MACROD2: variants seen among roughly 807,000 people sequenced by gnomAD.
The protein encoded by MACROD2 is ADP-ribose glycohydrolase MACROD2.
MACROD2 carries 36 observed loss-of-function variants against 70.4 expected under a neutral mutation model. The observed-to-expected ratio is 0.51, with a 90% CI of 0.39 to 0.68. The LOEUF (loss-of-function observed/expected upper bound fraction) is 0.68. Ranked by LOEUF, MACROD2 falls within the 30% of genes least tolerant of loss-of-function variation. The pLI, the probability that MACROD2 is intolerant of heterozygous loss-of-function variation, is 0.00. For synonymous variants in MACROD2, 172 were observed against 178.8 expected (o/e 0.96, Z 0.30); for missense variants, 496 against 538.4 (o/e 0.92, Z 0.78).
intron 8 of MACROD2, among the ~76,000 whole-genome samples, chr20:15,843,847 C>T (rs1216774401): frequency 6.6e-6 from 1 of 152,136 alleles, no homozygotes; most frequent in Non-Finnish European, 1.5e-5. Context: ...CCTGACACTC[C>T]TGAATTTTTA....
intron 6 of MACROD2, among the ~76,000 whole-genome samples, chr20:15,246,275 A>ATG (rs139635444): frequency 2.6e-5 from 4 of 152,062 alleles, no homozygotes; most frequent in Admixed American, 2.0e-4. Context: ...GTGTATGTGT[A>ATG]TGTGTGTGTG....
intron 5 of MACROD2, among the ~76,000 whole-genome samples, chr20:14,729,137 T>A (rs1325798679): frequency 1.3e-5 from 2 of 152,164 alleles, no homozygotes; most frequent in African/African-American, 2.4e-5. Context: ...GGCACAAAAG[T>A]GCTTGGTAAA....
At chr20:15,188,219 C>T (rs2076546342) in intron 5 of MACROD2, among the ~76,000 whole-genome samples, 1 of 152,178 alleles carries the variant, frequency 6.6e-6, no homozygotes, top group Non-Finnish European at 1.5e-5. Context: ...GACCACTTGC[C>T]TCAATTCCGT....
In MACROD2 at chr20:16,050,499, A is replaced by G. The variant is rs1479425895; in HGVS notation, c.*623A>G. On this transcript the variant is annotated 3_prime_UTR_variant, in exon 18 of 18. Coordinates refer to ENST00000684519, the MANE Select transcript of MACROD2 (RefSeq NM_001351661.2). ...GGAAGCTGAATTTTTTCCAGAGCAG[A>G]GTGCAGAGGCATAACAGAAGGGTGG... 1 of 152,258 alleles carries G rather than the reference A, an allele frequency of 6.6e-6. No homozygotes were observed. The highest frequency in any genetic ancestry group is 1.5e-5 in the Non-Finnish European group (1 of 68,076). 9.4% of individuals were successfully genotyped at this position (152,258 alleles called of 1,614,324 possible).
intron 10 of MACROD2, among the ~76,000 whole-genome samples, chr20:15,922,929 A>T (rs1439379670): frequency 6.6e-6 from 1 of 151,806 alleles, no homozygotes; most frequent in Admixed American, 6.6e-5. Context: ...GTGAAATTTT[A>T]GTGAAAAGGT....
At chr20:14,798,395 G>A (rs921858358) in intron 5 of MACROD2, among the ~76,000 whole-genome samples, 8 of 152,028 alleles carry the variant, frequency 5.3e-5, no homozygotes, top group African/African-American at 1.7e-4. Flanking sequence ...TTGCAGCACA[G>A]GTCTGGTTTG....
chr20:14,201,498 G>T (rs2081479200), intron 3 of MACROD2, among the ~76,000 whole-genome samples: 1 of 152,130 alleles, frequency 6.6e-6, no homozygotes, highest in Non-Finnish European at 1.5e-5. Context: ...GAGGTTCTAT[G>T]TGCCTCACTG....
chr20:15,548,552 C>T (rs1251132409), intron 8 of MACROD2, among the ~76,000 whole-genome samples: 7 of 152,100 alleles, frequency 4.6e-5, no homozygotes, highest in Non-Finnish European at 7.4e-5. Context: ...CCTGCCACCA[C>T]GCCTGGCTAA....
chr20:15,940,697 G>A (rs548016580), intron 12 of MACROD2, among the ~76,000 whole-genome samples: 1 of 152,286 alleles, frequency 6.6e-6, no homozygotes, highest in East Asian at 1.9e-4. Flanking sequence ...TTTTCAGTTA[G>A]AGTACATTAA....
Position 14,190,142 on chromosome 20 carries a change from G to A in MACROD2, c.271+104414G>A, listed in dbSNP as rs2081372968. On this transcript the variant is annotated intron_variant, in intron 3 of 17. Coordinates refer to ENST00000684519, the MANE Select transcript of MACROD2 (RefSeq NM_001351661.2). ...AGACTCTGGCACTCATGAACTCTGT[G>A]GACCTGGATATGCCACTTTACTTCT... 2.0e-5 allele frequency among the ~76,000 whole-genome samples: 3 copies of A among 152,250 alleles called. No homozygotes were observed. In the South Asian group the frequency reaches 6.2e-4, roughly 32 times the overall value.
intron 4 of MACROD2, among the ~76,000 whole-genome samples, chr20:14,552,496 A>G (rs1427281542): frequency 6.6e-6 from 1 of 151,804 alleles, no homozygotes; most frequent in Non-Finnish European, 1.5e-5. Flanking sequence ...GGGCTTCAGC[A>G]TCAGTAGAGA....
intron 8 of MACROD2, among the ~76,000 whole-genome samples, chr20:15,732,788 A>G (rs928574606): frequency 6.7e-6 from 1 of 149,812 alleles, no homozygotes; most frequent in Non-Finnish European, 1.5e-5. Flanking sequence ...GTTTGATATT[A>G]GGATAATTCC....
Position 14,190,794 on chromosome 20 carries a change from G to T in MACROD2, c.271+105066G>T, listed in dbSNP as rs540278518. On this transcript the variant is annotated intron_variant, in intron 3 of 17. Transcript: ENST00000684519. ...GCGATCTCGGCTCACTGCAAGCTCC[G>T]CCTCCCAGGTTCATGCCATTCTCCT... Among the ~76,000 whole-genome samples the T allele has an allele frequency of 2.9e-4, 38 of 130,140 alleles. 1 individual carries two copies. The South Asian group carries it at 0.01, about 35-fold the overall frequency. The allele number at this position is 130,140 out of a possible 152,430, so 85.4% of individuals were successfully genotyped here. A position where few individuals can be genotyped will look rare whatever the true frequency, so the allele number is the denominator to read the frequency against.
At chr20:14,096,393 G>A (rs1291071212) in intron 3 of MACROD2, among the ~76,000 whole-genome samples, 2 of 130,336 alleles carry the variant, frequency 1.5e-5, no homozygotes, top group African/African-American at 3.0e-5. Context: ...TTGAGACAGA[G>A]TCTTGCTCTG....
intron 10 of MACROD2, among the ~76,000 whole-genome samples, chr20:15,904,960 CAAGCTAATGGA>C (rs1431760596): frequency 6.6e-6 from 1 of 151,214 alleles, no homozygotes; most frequent in Non-Finnish European, 1.5e-5. Context: ...AAAATAGTTG[CAAGCTAATGGA>C]AAGACCCCTG....
At chr20:14,211,631 C>G (rs762366804) in intron 3 of MACROD2, among the ~76,000 whole-genome samples, 3 of 152,124 alleles carry the variant, frequency 2.0e-5, no homozygotes, top group Non-Finnish European at 4.4e-5. Flanking sequence ...ATCTGCTTTC[C>G]CATTAGCTCT....
At chr20:14,927,192 G>T (rs1792900684) in intron 5 of MACROD2, among the ~76,000 whole-genome samples, 1 of 152,106 alleles carries the variant, frequency 6.6e-6, no homozygotes, top group South Asian at 2.1e-4. Context: ...TGCAATCACA[G>T]GAAAAGGGGA....
At chr20:15,415,308 A>T (rs186199698) in intron 6 of MACROD2, among the ~76,000 whole-genome samples, 98 of 152,316 alleles carry the variant, frequency 6.4e-4, no homozygotes, top group South Asian at 6.2e-3. Context: ...TGGGAAATAC[A>T]TCTCTAGTGA....
rs931224861 is a variant in MACROD2, at chr20:16,050,029, C to T, written c.*153C>T. On this transcript the variant is annotated 3_prime_UTR_variant, in exon 18 of 18. Coordinates refer to ENST00000684519, the MANE Select transcript of MACROD2 (RefSeq NM_001351661.2). ...TAATTTCTCCAGCTGCATTTTGTTCCGTTTATCTGCAGAAAAAGAAAGAAA... is the reference window on the plus strand; with the variant it reads ...TAATTTCTCCAGCTGCATTTTGTTCTGTTTATCTGCAGAAAAAGAAAGAAA... 23 of 576,202 alleles carry T rather than the reference C, an allele frequency of 4.0e-5. No individual in the cohort carries two copies. The highest frequency in any genetic ancestry group is 5.0e-4 in the Middle Eastern group (1 of 2,012). 35.7% of individuals were successfully genotyped at this position (576,202 alleles called of 1,614,324 possible).
Sources: gnomAD v4.1 joint callset for allele counts (sites outside exome capture counted in the v4.1 genomes callset) on GRCh38, gnomAD v4.1.1 for gene constraint, MANE v1.5 for transcripts, NCBI Gene and HGNC (gene_info 2026-07-23, HGNC 2026-07-21) for gene names.